TRIM3: variants seen among roughly 807,000 people sequenced by gnomAD.
The protein encoded by TRIM3 is tripartite motif-containing protein 3.
In TRIM3, 13 loss-of-function variants were observed where a neutral mutation model predicts 66.6. The observed-to-expected ratio is 0.20, with a 90% CI of 0.13 to 0.31. The LOEUF is 0.31. Ranked by LOEUF, TRIM3 falls within the 10% of genes least tolerant of loss-of-function variation. The pLI is 1.00. For synonymous variants in TRIM3, 406 were observed against 411.7 expected (o/e 0.99, Z 0.17); for missense variants, 711 against 1,020.4 (o/e 0.70, Z 4.13).
Position 6,457,786 on chromosome 11 carries a change from T to C in TRIM3, c.425A>G (p.Glu142Gly). Residue 142 changes from glutamate (E) to glycine (G), a missense_variant, in exon 4 of 12, where the codon GAG becomes GGG. By Grantham distance (98) the Glu-to-Gly change is moderately conservative. Transcript: ENST00000345851. The surrounding 1 kb of genome is among the most constrained non-coding windows in gnomAD (Gnocchi z 4.5). ...CAGCACTGTGCCATGCTCACGATGCTCCCCGGCGCGGCACTCACCACACAT... is the reference window on the plus strand; with the variant it reads ...CAGCACTGTGCCATGCTCACGATGCCCCCCGGCGCGGCACTCACCACACAT... ...TAMCGECRAG[E>G]HREHGTVLLR... The C allele has an allele frequency of 6.2e-7, 1 of 1,614,054 alleles. No homozygotes were observed. The highest frequency in any genetic ancestry group is 8.5e-7 in the Non-Finnish European group (1 of 1,179,984).
Position 6,458,000 on chromosome 11 carries a change from C to T in TRIM3, c.363+65G>A. 1.9e-6 allele frequency: 3 copies of T among 1,545,994 alleles called. No homozygotes were observed. The highest frequency in any genetic ancestry group is 2.6e-6 in the Non-Finnish European group (3 of 1,142,198). ...CCCTGTCACCCAGCCACTCGGCACC[C>T]CCCAATGCCTCTCCTCCTCCTCCCA... is the stretch of plus-strand genomic sequence containing the variant. On this transcript the variant is annotated intron_variant, in intron 3 of 11. Coordinates refer to ENST00000345851, the MANE Select transcript of TRIM3 (RefSeq NM_033278.4). This position sits in a 1 kb window ranked among gnomAD's most constrained non-coding sequence, Gnocchi z 4.5.
chr11:6,456,622 G>A lies in TRIM3; in HGVS notation c.1104C>T (p.Gly368=). Reference sequence around the variant, plus strand: ...GCACCGGAAGGCGCGTGCCGTCCGGGCCGGTGATCTCTGCACGCAGCTCAG... The same window carrying A: ...GCACCGGAAGGCGCGTGCCGTCCGGACCGGTGATCTCTGCACGCAGCTCAG... ...GSAELRAEIT[G]PDGTRLPVPV... is the part of the protein sequence containing the mutation. Residue 368 remains glycine, a synonymous_variant, in exon 6 of 12, where the codon GGC becomes GGT. Coordinates refer to ENST00000345851, the MANE Select transcript of TRIM3 (RefSeq NM_033278.4). This position sits in a 1 kb window ranked among gnomAD's most constrained non-coding sequence, Gnocchi z 6.4. 2 of 1,612,758 alleles carry A rather than the reference G, an allele frequency of 1.2e-6. No homozygotes were observed. The highest frequency in any genetic ancestry group is 1.1e-5 in the South Asian group (1 of 91,066).
In TRIM3 at chr11:6,458,382, T is replaced by G. The variant is rs565063867; in HGVS notation, c.132-86A>C. 2.8e-3 allele frequency: 3,078 copies of G among 1,094,356 alleles called. 13 individuals are homozygous for G. The highest frequency in any genetic ancestry group is 3.9e-3 in the Non-Finnish European group (2,906 of 742,212). 67.8% of individuals were successfully genotyped at this position (1,094,356 alleles called of 1,614,324 possible). A position where few individuals can be genotyped will look rare whatever the true frequency, so the allele number is the denominator to read the frequency against. ...TATACTTCCCATGGGTGCCAACCCC[T>G]TCCCTCACAGGTGTGCCATTACACT... On this transcript the variant is annotated intron_variant, in intron 2 of 11. Transcript: ENST00000345851. This position sits in a 1 kb window ranked among gnomAD's most constrained non-coding sequence, Gnocchi z 6.2.
chr11:6,460,464 G>A (rs1001814952), intron 2 of TRIM3, among the ~76,000 whole-genome samples: 1 of 152,180 alleles, frequency 6.6e-6, no homozygotes, highest in Non-Finnish European at 1.5e-5. Flanking sequence ...ACAAAACTGA[G>A]AGGAGAAGAT....
chr11:6,449,240 G>T lies in TRIM3; in HGVS notation c.2083-60C>A, dbSNP rs2134150679. The T allele has an allele frequency of 1.2e-6, 2 of 1,609,666 alleles. No homozygotes were observed. The highest frequency in any genetic ancestry group is 1.7e-6 in the Non-Finnish European group (2 of 1,176,226). ...GATCAGGCAGATGAGAGTCTGTTTTGGGGGAACGGGCATATGGGACACACC... is the reference window on the plus strand; with the variant it reads ...GATCAGGCAGATGAGAGTCTGTTTTTGGGGAACGGGCATATGGGACACACC... On this transcript the variant is annotated intron_variant, in intron 11 of 11. Transcript: ENST00000345851. The surrounding 1 kb of genome is among the most constrained non-coding windows in gnomAD (Gnocchi z 5.3).
chr11:6,466,664 T>C (rs1223488175), intron 1 of TRIM3, among the ~76,000 whole-genome samples: 2 of 151,322 alleles, frequency 1.3e-5, no homozygotes, highest in African/African-American at 4.9e-5. Flanking sequence ...CAGGCATTCG[T>C]TCTCTCTGTC....
intron 1 of TRIM3, among the ~76,000 whole-genome samples, chr11:6,471,141 A>C (rs760584439): frequency 2.6e-5 from 4 of 152,222 alleles, no homozygotes; most frequent in Non-Finnish European, 5.9e-5. Context: ...CAGTTTCTCC[A>C]AATTCTCAAA....
At chr11:6,465,779 C>T in intron 1 of TRIM3, 47 bp from the exon 2 acceptor site, 1 of 1,530,600 alleles carries the variant, frequency 6.5e-7, no homozygotes, top group Non-Finnish European at 8.9e-7. Context: ...ACTTCTTCTC[C>T]CCACCCAATC....
At chr11:6,454,244 A>C (rs1849868670) in intron 7 of TRIM3, among the ~76,000 whole-genome samples, 1 of 152,130 alleles carries the variant, frequency 6.6e-6, no homozygotes, top group African/African-American at 2.4e-5. Flanking sequence ...AAAATAAATT[A>C]GCCAGGTATA....
At position 6,449,224 on chromosome 11, in the gene TRIM3, G is replaced by C. The variant is rs1347818567; in HGVS notation, c.2083-44C>G. ...AAGGAGGGAGAGGCAAGATCAGGCA[G>C]ATGAGAGTCTGTTTTGGGGGAACGG... On this transcript the variant is annotated intron_variant, in intron 11 of 11. Coordinates refer to ENST00000345851, the MANE Select transcript of TRIM3 (RefSeq NM_033278.4). The surrounding 1 kb of genome is among the most constrained non-coding windows in gnomAD (Gnocchi z 5.3). 2 of 1,610,820 alleles carry C rather than the reference G, an allele frequency of 1.2e-6. No individual in the cohort carries two copies. The highest frequency in any genetic ancestry group is 1.7e-6 in the Non-Finnish European group (2 of 1,177,114).
chr11:6,449,206 G>C lies in TRIM3; in HGVS notation c.2083-26C>G. 1 of 1,612,424 alleles carries C rather than the reference G, an allele frequency of 6.2e-7. No individual in the cohort carries two copies. The highest frequency in any genetic ancestry group is 8.5e-7 in the Non-Finnish European group (1 of 1,178,522). On this transcript the variant is annotated intron_variant, in intron 11 of 11. Coordinates refer to ENST00000345851, the MANE Select transcript of TRIM3 (RefSeq NM_033278.4). This position sits in a 1 kb window ranked among gnomAD's most constrained non-coding sequence, Gnocchi z 5.3. The stretch of plus-strand genomic sequence containing the variant: ...CTGGGGAAGGAGTGCAGAAAGGAGG[G>C]AGAGGCAAGATCAGGCAGATGAGAG...
chr11:6,470,617 T>C (rs1325876548), intron 1 of TRIM3, among the ~76,000 whole-genome samples: 1 of 152,162 alleles, frequency 6.6e-6, no homozygotes, highest in East Asian at 1.9e-4. Context: ...TGGGATGTAA[T>C]TCAAGTGGAG....
Position 6,456,918 on chromosome 11 carries a change from C to T in TRIM3, c.808G>A (p.Val270Met). 1 of 1,611,830 alleles carries T rather than the reference C, an allele frequency of 6.2e-7. No homozygotes were observed. Among genetic ancestry groups the T allele is most frequent in the Non-Finnish European group, 8.5e-7 (1 of 1,179,982 alleles). ...AGCCGCTCTCGCATGTGCTTGCGCACCAGCAACACCTCCGGGGCCGAGCCC... is the reference window on the plus strand; with the variant it reads ...AGCCGCTCTCGCATGTGCTTGCGCATCAGCAACACCTCCGGGGCCGAGCCC... ...RLGSAPEVLL[V>M]RKHMRERLAA... The change falls in exon 6 of 12, where the codon GTG becomes ATG. Residue 270 changes from valine (V) to methionine (M), a missense_variant. Val to Met is a conservative substitution (Grantham distance 21). Coordinates refer to ENST00000345851, the MANE Select transcript of TRIM3 (RefSeq NM_033278.4). The surrounding 1 kb of genome is among the most constrained non-coding windows in gnomAD (Gnocchi z 6.4).
Position 6,455,152 on chromosome 11 carries a change from T to C in TRIM3, c.1533+920A>G, listed in dbSNP as rs138673014. On this transcript the variant is annotated intron_variant, in intron 7 of 11. Coordinates refer to ENST00000345851, the MANE Select transcript of TRIM3 (RefSeq NM_033278.4). ...CTTGCCTTTGTTTACAGCCTCCACC[T>C]GGACGATGATATTTTTAACAATAGC... Among the ~76,000 whole-genome samples the C allele has an allele frequency of 3.1e-4, 47 of 152,224 alleles. 1 individual carries two copies. Among genetic ancestry groups the C allele is most frequent in the African/African-American group, 1.1e-3 (45 of 41,540 alleles).
In TRIM3 at chr11:6,457,796, G is replaced by A. The variant is rs144485396; in HGVS notation, c.415C>T (p.Arg139Cys). ...ACETAMCGEC[R>C]AGEHREHGTV... Reference sequence around the variant, plus strand: ...CCATGCTCACGATGCTCCCCGGCGCGGCACTCACCACACATGGCCGTCTCA... The same window carrying A: ...CCATGCTCACGATGCTCCCCGGCGCAGCACTCACCACACATGGCCGTCTCA... Residue 139 changes from arginine to cysteine, a missense_variant, in exon 4 of 12, where the codon CGC (arginine) becomes TGC (cysteine). Arg to Cys is a radical substitution (Grantham distance 180, BLOSUM62 -3). Around this residue, in one of 3 missense-constraint regions of TRIM3, gnomAD observed 149 missense variants for 240.3 expected, o/e 0.62. Coordinates refer to ENST00000345851, the MANE Select transcript of TRIM3 (RefSeq NM_033278.4). This position sits in a 1 kb window ranked among gnomAD's most constrained non-coding sequence, Gnocchi z 4.5. 70 of 1,614,028 alleles carry A rather than the reference G, an allele frequency of 4.3e-5. No homozygotes were observed. The highest frequency in any genetic ancestry group is 5.5e-5 in the Non-Finnish European group (65 of 1,180,026).
intron 2 of TRIM3, among the ~76,000 whole-genome samples, chr11:6,460,849 A>G (rs1170407314): frequency 6.6e-6 from 1 of 151,630 alleles, no homozygotes; most frequent in African/African-American, 2.4e-5. Flanking sequence ...GTGCTTCACA[A>G]GTATTAACTT....
chr11:6,463,589 G>C (rs1427261781), intron 2 of TRIM3, among the ~76,000 whole-genome samples: 2 of 152,202 alleles, frequency 1.3e-5, no homozygotes, highest in Non-Finnish European at 2.9e-5. Context: ...GGGCAGGAAA[G>C]ACAGGGAGGC....
rs1849967581 is a variant in TRIM3 at position 6,456,312 on chromosome 11, G to A, written c.1414C>T (p.Leu472Phe). 1.3e-6 allele frequency: 2 copies of A among 1,551,562 alleles called. No individual in the cohort carries two copies. The highest frequency in any genetic ancestry group is 1.7e-6 in the Non-Finnish European group (2 of 1,145,036). Residue 472 changes from leucine to phenylalanine, a missense_variant, in exon 6 of 12, where the codon CTC (leucine) becomes TTC (phenylalanine). Around this residue, in one of 3 missense-constraint regions of TRIM3, gnomAD observed 399 missense variants for 458.1 expected, o/e 0.87. Coordinates refer to ENST00000345851, the MANE Select transcript of TRIM3 (RefSeq NM_033278.4). The surrounding 1 kb of genome is among the most constrained non-coding windows in gnomAD (Gnocchi z 6.4). ...KRKDNPIEDE[L>F]VFRVGSRGRE... ...CTGTCTGTACCAACACGGAAGACGA[G>A]CTCATCCTCAATTGGGTTGTCCTTT...
intron 7 of TRIM3, among the ~76,000 whole-genome samples, chr11:6,453,545 A>G (rs948608357): frequency 6.6e-6 from 1 of 152,148 alleles, no homozygotes; most frequent in Non-Finnish European, 1.5e-5. Context: ...ACAAAAACAA[A>G]CCAGTGATTC....
Sources: allele counts gnomAD v4.1 joint callset (sites outside exome capture counted in the v4.1 genomes callset), GRCh38; gene constraint gnomAD v4.1.1; regional missense constraint gnomAD v4.1.1; non-coding constraint Gnocchi (gnomAD v3.1); transcripts MANE v1.5; gene names NCBI Gene and HGNC (gene_info 2026-07-23, HGNC 2026-07-21).